ATE1: variants seen among roughly 807,000 people sequenced by gnomAD.
ATE1 encodes arginyl-tRNA--protein transferase 1.
In ATE1, 36 loss-of-function variants were observed where a neutral mutation model predicts 70.5. The observed-to-expected ratio is 0.51, with a 90% CI of 0.39 to 0.67. ATE1 has a LOEUF of 0.67. ATE1 is among the 30% of genes least tolerant of loss of function. ATE1 has a pLI of 0.00. For missense variants in ATE1, 593 were observed against 629.5 expected, an observed-to-expected ratio of 0.94 and a Z score of 0.62; for synonymous variants, 232 against 219.3, an observed-to-expected ratio of 1.06 and a Z score of -0.51.
intron 8 of ATE1, among the ~76,000 whole-genome samples, chr10:121,858,965 C>T (rs1194086231): frequency 6.6e-6 from 1 of 151,628 alleles, no homozygotes; most frequent in Non-Finnish European, 1.5e-5. Context: ...CGTGGTGGCA[C>T]ATGCCTGTAA....
intron 8 of ATE1, among the ~76,000 whole-genome samples, chr10:121,863,167 C>A (rs1949535472): frequency 6.6e-6 from 1 of 151,538 alleles, no homozygotes; most frequent in African/African-American, 2.4e-5. Context: ...GATCGCATTT[C>A]AAATTACTGC....
intron 10 of ATE1, among the ~76,000 whole-genome samples, chr10:121,798,152 T>C (rs912750610): frequency 2.0e-5 from 3 of 152,232 alleles, no homozygotes; most frequent in Admixed American, 1.3e-4. Context: ...GAATTTGTAT[T>C]TATGATGTGG....
intron 6 of ATE1, 124 bp downstream of exon 6, chr10:121,902,267 T>A: frequency 1.1e-6 from 1 of 888,926 alleles, no homozygotes; most frequent in Non-Finnish European, 1.7e-6. Context: ...CTCTTTAATT[T>A]CTTTTAAATT....
At chr10:121,766,990 A>T (rs1285550525) in intron 11 of ATE1, among the ~76,000 whole-genome samples, 1 of 152,162 alleles carries the variant, frequency 6.6e-6, no homozygotes, top group Non-Finnish European at 1.5e-5. Flanking sequence ...AGAACCAAAA[A>T]CCAGTATCCC....
At chr10:121,745,645 T>C (rs989324431) in intron 11 of ATE1, among the ~76,000 whole-genome samples, 1 of 152,142 alleles carries the variant, frequency 6.6e-6, no homozygotes, top group Non-Finnish European at 1.5e-5. Flanking sequence ...GAGAATGGTG[T>C]GAACCCGGGA....
In ATE1 at chr10:121,813,885, A is replaced by T. The variant is rs1372436036; in HGVS notation, c.1257+22833T>A. Among the ~76,000 whole-genome samples the T allele has an allele frequency of 5.3e-5, 8 of 152,196 alleles. No homozygotes were observed. The East Asian group carries it at 1.5e-3, about 29-fold the overall frequency. Reference sequence around the variant, plus strand: ...AAAACCAGAAGAAAGTAACCCAGGGACTCTATCTTTGACATAAACGTGGCT... The same window carrying T: ...AAAACCAGAAGAAAGTAACCCAGGGTCTCTATCTTTGACATAAACGTGGCT... On this transcript the variant is annotated intron_variant, in intron 10 of 11. Coordinates refer to ENST00000224652, the MANE Select transcript of ATE1 (RefSeq NM_001001976.3).
intron 5 of ATE1, among the ~76,000 whole-genome samples, chr10:121,907,252 C>T (rs951428152): frequency 2.6e-5 from 4 of 151,036 alleles, no homozygotes; most frequent in Non-Finnish European, 4.4e-5. Flanking sequence ...GCCAGGAGTT[C>T]GAGACCAGCC....
intron 11 of ATE1, among the ~76,000 whole-genome samples, chr10:121,769,653 C>A (rs4751854): frequency 2.0e-5 from 3 of 152,058 alleles, no homozygotes; most frequent in African/African-American, 7.2e-5. Flanking sequence ...TATAACAATT[C>A]GCAAAACTCA....
At chr10:121,872,921 G>C (rs1054196323) in intron 7 of ATE1, among the ~76,000 whole-genome samples, 2 of 151,952 alleles carry the variant, frequency 1.3e-5, no homozygotes, top group African/African-American at 4.8e-5. Context: ...AAAATATTTG[G>C]GCGTAATATT....
At chr10:121,906,322 G>A (rs974408766) in intron 5 of ATE1, among the ~76,000 whole-genome samples, 1 of 152,094 alleles carries the variant, frequency 6.6e-6, no homozygotes, top group Non-Finnish European at 1.5e-5. Context: ...GAGTCCAGGA[G>A]TTCAAGACCA....
intron 7 of ATE1, among the ~76,000 whole-genome samples, chr10:121,887,903 T>C (rs530286847): frequency 2.6e-5 from 4 of 152,200 alleles, no homozygotes; most frequent in Non-Finnish European, 4.4e-5. Flanking sequence ...ATAATACAAT[T>C]AGACAAATCA....
At chr10:121,865,578 A>G (rs1281570292) in intron 8 of ATE1, among the ~76,000 whole-genome samples, 1 of 152,220 alleles carries the variant, frequency 6.6e-6, no homozygotes, top group Non-Finnish European at 1.5e-5. Context: ...AAATGTCAAT[A>G]AAAATGTCTG....
At chr10:121,753,122 A>C (rs1944654921) in intron 11 of ATE1, among the ~76,000 whole-genome samples, 1 of 152,208 alleles carries the variant, frequency 6.6e-6, no homozygotes, top group African/African-American at 2.4e-5. Context: ...AACTGTTGAT[A>C]ATTTCATTTT....
chr10:121,830,743 G>T (rs1248310722), intron 10 of ATE1, among the ~76,000 whole-genome samples: 1 of 152,116 alleles, frequency 6.6e-6, no homozygotes, highest in African/African-American at 2.4e-5. Flanking sequence ...AAAATATGAT[G>T]CCAGGAAAAT....
chr10:121,928,389 G>A (rs1952193358), upstream of ATE1: 4 of 1,532,622 alleles, frequency 2.6e-6, no homozygotes, highest in East Asian at 2.6e-5. Flanking sequence ...TAGCCGCAGT[G>A]GTAGCCGGCC....
At chr10:121,811,129 C>T (rs1354394810) in intron 10 of ATE1, among the ~76,000 whole-genome samples, 2 of 152,160 alleles carry the variant, frequency 1.3e-5, no homozygotes, top group Non-Finnish European at 2.9e-5. Context: ...AAATTGATAA[C>T]TGTAATGTGA....
At chr10:121,902,239 T>C in intron 6 of ATE1, 152 bp downstream of exon 6, 1 of 737,938 alleles carries the variant, frequency 1.4e-6, no homozygotes, top group South Asian at 2.2e-5. Context: ...TAAATACAAA[T>C]GTTACTTCTT....
upstream of ATE1, chr10:121,928,454 G>A (rs1952196140): frequency 6.6e-7 from 1 of 1,513,312 alleles, no homozygotes. Flanking sequence ...GGTCCGCTCG[G>A]GCCGACCACG....
At chr10:121,774,218 A>G (rs1215597880) in intron 11 of ATE1, among the ~76,000 whole-genome samples, 1 of 152,196 alleles carries the variant, frequency 6.6e-6, no homozygotes, top group Non-Finnish European at 1.5e-5. Context: ...ATACAGTTCA[A>G]TTTACAATCA....
Sources: gnomAD v4.1 joint callset for allele counts (sites outside exome capture counted in the v4.1 genomes callset) on GRCh38, gnomAD v4.1.1 for gene constraint, MANE v1.5 for transcripts, NCBI Gene and HGNC (gene_info 2026-07-23, HGNC 2026-07-21) for gene names.